Variants in TRAPPC9 observed in about 807,000 individuals in gnomAD.
TRAPPC9 encodes the protein IKK2 binding protein.
Under a neutral mutation model 124.0 loss-of-function variants are expected in TRAPPC9, and 83 were observed. The ratio of observed to expected loss-of-function variants is 0.67; its 90% CI spans 0.56 to 0.80. The LOEUF (loss-of-function observed/expected upper bound fraction) is 0.80, where lower values mean the gene tolerates loss of function less well. TRAPPC9 is among the 30% of genes least tolerant of loss of function. The pLI is 0.00. For missense variants in TRAPPC9, 1,302 were observed against 1,508.3 expected (o/e 0.86, Z 2.27); for synonymous variants, 638 against 617.5 (o/e 1.03, Z -0.49).
chr8:139,756,899 T>A (rs1177580818), intron 21 of TRAPPC9, among the ~76,000 whole-genome samples: 39 of 95,330 alleles, frequency 4.1e-4, no homozygotes, highest in South Asian at 1.1e-3. Context: ...GGAGCCAGGG[T>A]TTGGGGATGA....
chr8:139,855,344 C>G (rs143633104), intron 21 of TRAPPC9, among the ~76,000 whole-genome samples: 149 of 152,318 alleles, frequency 9.8e-4, no homozygotes, highest in Non-Finnish European at 1.8e-3. Flanking sequence ...GCCCTAGGGT[C>G]AGTGCAGTGC....
At chr8:140,108,127 G>A (rs1376815713) in intron 17 of TRAPPC9, among the ~76,000 whole-genome samples, 1 of 151,866 alleles carries the variant, frequency 6.6e-6, no homozygotes, top group East Asian at 1.9e-4. Context: ...GGTGGGGGCG[G>A]GGAGTTAAGA....
intron 2 of TRAPPC9, among the ~76,000 whole-genome samples, chr8:140,449,149 C>A (rs1450171637): frequency 6.6e-6 from 1 of 152,138 alleles, no homozygotes; most frequent in Non-Finnish European, 1.5e-5. Flanking sequence ...ATTCTGTGAT[C>A]ATCTCTCCTC....
At chr8:139,846,126 C>T (rs1827061053) in intron 21 of TRAPPC9, among the ~76,000 whole-genome samples, 1 of 152,258 alleles carries the variant, frequency 6.6e-6, no homozygotes, top group Non-Finnish European at 1.5e-5. Context: ...AGAAACACCG[C>T]TACAGGCTGC....
intron 4 of TRAPPC9, among the ~76,000 whole-genome samples, chr8:140,434,053 C>T (rs530208989): frequency 1.1e-4 from 16 of 152,286 alleles, no homozygotes; most frequent in South Asian, 6.2e-4. Flanking sequence ...GGCTGCTTTC[C>T]GCAACCAATC....
At chr8:140,334,746 G>T (rs1167864472) in intron 9 of TRAPPC9, among the ~76,000 whole-genome samples, 1 of 152,060 alleles carries the variant, frequency 6.6e-6, no homozygotes, top group Non-Finnish European at 1.5e-5. Flanking sequence ...AAAGATAAAA[G>T]GTGAACAGAC....
intron 21 of TRAPPC9, among the ~76,000 whole-genome samples, chr8:139,866,740 G>A (rs1022205069): frequency 6.6e-6 from 1 of 152,116 alleles, no homozygotes; most frequent in Non-Finnish European, 1.5e-5. Flanking sequence ...TGTTAAGGTG[G>A]ACAGACAGAA....
intron 17 of TRAPPC9, among the ~76,000 whole-genome samples, chr8:140,159,161 T>C (rs1490507932): frequency 6.6e-6 from 1 of 152,206 alleles, no homozygotes; most frequent in African/African-American, 2.4e-5. Context: ...AGCCTGCAAG[T>C]CTCTTCCTCT....
chr8:140,355,716 A>G (rs911393792), intron 9 of TRAPPC9, among the ~76,000 whole-genome samples: 3 of 152,234 alleles, frequency 2.0e-5, no homozygotes, highest in Admixed American at 1.3e-4. Flanking sequence ...CAAGCAGTCT[A>G]ATGGGCGAGC....
chr8:140,327,298 A>G (rs1253401312), intron 9 of TRAPPC9, among the ~76,000 whole-genome samples: 1 of 152,148 alleles, frequency 6.6e-6, no homozygotes, highest in Non-Finnish European at 1.5e-5. Flanking sequence ...ACCCTCATGC[A>G]CTGCTGGAAG....
rs1818659382 is a variant in TRAPPC9, at chr8:139,742,954, T to A, written c.3056-10752A>T. ...CCTCTGTCTAGGGTGGTGCTGAGCA[T>A]GAGTTTCTGCCGTGCATGTGTCCAG... On this transcript the variant is annotated intron_variant, in intron 21 of 22. Coordinates refer to ENST00000438773, the MANE Select transcript of TRAPPC9 (RefSeq NM_001160372.4). This position sits in a 1 kb window ranked among gnomAD's most constrained non-coding sequence, Gnocchi z 4.7. Among the ~76,000 whole-genome samples the A allele has an allele frequency of 6.6e-6, 1 of 152,016 alleles. No individual in the cohort carries two copies. The highest frequency in any genetic ancestry group is 2.1e-4 in the South Asian group (1 of 4,812).
intron 7 of TRAPPC9, among the ~76,000 whole-genome samples, chr8:140,379,941 A>T (rs189337611): frequency 6.6e-6 from 1 of 152,362 alleles, no homozygotes; most frequent in Admixed American, 6.5e-5. Context: ...GAAAAAAGGA[A>T]GATTTACTGG....
chr8:140,345,681 C>T (rs746606808), intron 9 of TRAPPC9, among the ~76,000 whole-genome samples: 23 of 152,342 alleles, frequency 1.5e-4, no homozygotes, highest in Non-Finnish European at 3.2e-4. Context: ...CACTCCCACA[C>T]ATTTCCAAAC....
intron 18 of TRAPPC9, among the ~76,000 whole-genome samples, chr8:139,997,312 CCAGGGGAGAAAATACATCCTACA>C (rs1235223120): frequency 2.0e-5 from 3 of 147,114 alleles, no homozygotes; most frequent in African/African-American, 7.6e-5. Context: ...TGCATCCTAC[CCAGGGGAGAAAATACATCCTACA>C]CAGGGCAGAC....
chr8:140,122,852 G>A (rs937214447), intron 17 of TRAPPC9, among the ~76,000 whole-genome samples: 1 of 152,202 alleles, frequency 6.6e-6, no homozygotes, highest in Non-Finnish European at 1.5e-5. Context: ...CCATCTTGAA[G>A]GGCCCCGATG....
At chr8:140,106,949 T>C (rs1018598563) in intron 17 of TRAPPC9, among the ~76,000 whole-genome samples, 1 of 152,206 alleles carries the variant, frequency 6.6e-6, no homozygotes, top group African/African-American at 2.4e-5. Context: ...ACGTTTACAT[T>C]TCAGTGGTGC....
chr8:140,057,191 T>A (rs937608957), intron 17 of TRAPPC9, among the ~76,000 whole-genome samples: 6 of 152,122 alleles, frequency 3.9e-5, no homozygotes, highest in African/African-American at 1.4e-4. Flanking sequence ...AAATGACAAG[T>A]ATTAGTGAGG....
chr8:140,020,530 G>A (rs1250145642), intron 18 of TRAPPC9, among the ~76,000 whole-genome samples: 1 of 152,018 alleles, frequency 6.6e-6, no homozygotes, highest in Non-Finnish European at 1.5e-5. Context: ...GGGAGGCAAG[G>A]CAGGACAATC....
rs1177286944 is a variant in TRAPPC9 at position 140,443,131 on chromosome 8, C to CAAAAAAAAAAA, written c.585-3945_585-3935dup. ...CTGGCAACGGAGCGAGACTCCATCT[C>CAAAAAAAAAAA]AAAAAAAAAAAAAAAAAAAAAAAGC... On this transcript the variant is annotated intron_variant, in intron 2 of 22. Coordinates refer to ENST00000438773, the MANE Select transcript of TRAPPC9 (RefSeq NM_001160372.4). 4.5e-5 allele frequency among the ~76,000 whole-genome samples: 2 copies of CAAAAAAAAAAA among 43,990 alleles called. 1 individual carries two copies. The highest frequency in any genetic ancestry group is 8.2e-5 in the Non-Finnish European group (2 of 24,298). The allele number at this position is 43,990 out of a possible 152,430, so 28.9% of individuals were successfully genotyped here.
Sources: gnomAD v4.1 joint callset for allele counts (sites outside exome capture counted in the v4.1 genomes callset) on GRCh38, gnomAD v4.1.1 for gene constraint, Gnocchi (gnomAD v3.1) non-coding constraint, MANE v1.5 for transcripts, NCBI Gene and HGNC (gene_info 2026-07-23, HGNC 2026-07-21) for gene names.